SLC25A26: variants seen among roughly 807,000 people sequenced by gnomAD.
SLC25A26 encodes mitochondrial S-adenosylmethionine carrier protein.
Under a neutral mutation model 37.8 loss-of-function variants are expected in SLC25A26, and 36 were observed. The ratio of observed to expected loss-of-function variants is 0.95; its 90% confidence interval spans 0.73 to 1.26. The LOEUF (loss-of-function observed/expected upper bound fraction) is 1.26, where lower values mean the gene tolerates loss of function less well. Among genes scored for constraint, SLC25A26 ranks in the 50% most tolerant of loss-of-function variants. The pLI, the probability that SLC25A26 is intolerant of heterozygous loss-of-function variation, is 0.00. For missense variants in SLC25A26, 390 were observed against 331.1 expected (o/e 1.18, Z -1.38); for synonymous variants, 129 against 122.5 (o/e 1.05, Z -0.35).
intron 1 of SLC25A26, among the ~76,000 whole-genome samples, chr3:66,235,151 C>G (rs1428859657): frequency 6.6e-6 from 1 of 152,164 alleles, no homozygotes; most frequent in Non-Finnish European, 1.5e-5. Context: ...CCTTGTGAAT[C>G]TAGATCTGTA....
intron 1 of SLC25A26, among the ~76,000 whole-genome samples, chr3:66,196,219 A>C: frequency 6.6e-6 from 1 of 152,348 alleles, no homozygotes; most frequent in South Asian, 2.1e-4. Flanking sequence ...TTTGTTCATA[A>C]GAATTTATCT....
chr3:66,208,703 T>C (rs935891406), intron 1 of SLC25A26, among the ~76,000 whole-genome samples: 11 of 142,100 alleles, frequency 7.7e-5, no homozygotes, highest in African/African-American at 2.9e-4. Context: ...TATATATATA[T>C]ACACATTTAT....
intron 6 of SLC25A26, among the ~76,000 whole-genome samples, chr3:66,360,883 C>T (rs1437158069): frequency 6.6e-6 from 1 of 152,038 alleles, no homozygotes; most frequent in Non-Finnish European, 1.5e-5. Flanking sequence ...CAGGTTATTT[C>T]GTAGGAATTG....
intron 9 of SLC25A26, among the ~76,000 whole-genome samples, chr3:66,376,807 C>T (rs559316090): frequency 4.5e-4 from 69 of 152,290 alleles, no homozygotes; most frequent in Admixed American, 6.5e-4. Flanking sequence ...GTCCTATAAT[C>T]CACAGGCAGC....
intron 1 of SLC25A26, among the ~76,000 whole-genome samples, chr3:66,227,241 T>C (rs1327728628): frequency 1.3e-5 from 2 of 152,280 alleles, no homozygotes; most frequent in African/African-American, 4.8e-5. Flanking sequence ...TCTAGTTACT[T>C]ATCTAGATTA....
In SLC25A26 at chr3:66,213,201, A is replaced by G. The variant is rs914130032; in HGVS notation, c.-353-7541A>G. On this transcript the variant is annotated intron_variant, in intron 1 of 10. Transcript: ENST00000676754. ...GATCACCTGAGGTCAGGAGTTCAAGACCAGCTTGGCCAACGTGGTGAAACC... is the reference window on the plus strand; with the variant it reads ...GATCACCTGAGGTCAGGAGTTCAAGGCCAGCTTGGCCAACGTGGTGAAACC... 4.9e-3 allele frequency among the ~76,000 whole-genome samples: 750 copies of G among 152,116 alleles called. 11 individuals are homozygous for G. The highest frequency in any genetic ancestry group is 0.013 in the African/African-American group (548 of 41,492).
chr3:66,352,297 T>G (rs1344307359), intron 6 of SLC25A26, among the ~76,000 whole-genome samples: 1 of 152,144 alleles, frequency 6.6e-6, no homozygotes, highest in Non-Finnish European at 1.5e-5. Context: ...ACCCAGAGCT[T>G]AAGCTCTGGC....
chr3:66,165,809 T>C (rs1399952612), intron 1 of SLC25A26, among the ~76,000 whole-genome samples: 2 of 152,124 alleles, frequency 1.3e-5, no homozygotes, highest in East Asian at 1.9e-4. Flanking sequence ...AAAAAATCCA[T>C]AGTGCCTGGA....
chr3:66,211,686 T>C (rs2071285711), intron 1 of SLC25A26, among the ~76,000 whole-genome samples: 1 of 152,208 alleles, frequency 6.6e-6, no homozygotes, highest in East Asian at 1.9e-4. Flanking sequence ...GAACATTGCA[T>C]ATGTCAGCTT....
chr3:66,355,931 A>C (rs776549782), intron 6 of SLC25A26: 11 of 442,124 alleles, frequency 2.5e-5, no homozygotes, highest in Middle Eastern at 6.4e-4. Context: ...AAATTTTGTC[A>C]TGTGATGTTA....
chr3:66,339,486 T>C (rs936812028), intron 5 of SLC25A26, among the ~76,000 whole-genome samples: 1 of 152,004 alleles, frequency 6.6e-6, no homozygotes, highest in African/African-American at 2.4e-5. Context: ...GCATATCCCT[T>C]GTTCACCAAC....
intron 5 of SLC25A26, among the ~76,000 whole-genome samples, chr3:66,307,404 A>G (rs866509636): frequency 1.1e-4 from 16 of 149,716 alleles, no homozygotes; most frequent in African/African-American, 3.7e-4. Flanking sequence ...CTGGATATTA[A>G]CCCTTTGTCA....
chr3:66,341,917 T>C (rs2076218445), intron 5 of SLC25A26, among the ~76,000 whole-genome samples: 1 of 152,240 alleles, frequency 6.6e-6, no homozygotes, highest in African/African-American at 2.4e-5. Context: ...TTCTTACTTT[T>C]GTTGTTGTTT....
chr3:66,307,796 G>A (rs193009746), intron 5 of SLC25A26, among the ~76,000 whole-genome samples: 1 of 152,170 alleles, frequency 6.6e-6, no homozygotes, highest in South Asian at 2.1e-4. Flanking sequence ...GTTTGTCAAA[G>A]AGCAGATGGT....
intron 5 of SLC25A26, among the ~76,000 whole-genome samples, chr3:66,313,580 T>G (rs971166360): frequency 2.6e-5 from 4 of 152,240 alleles, no homozygotes; most frequent in Non-Finnish European, 5.9e-5. Context: ...TTCTTTTTGC[T>G]TAGGATTGTC....
intron 9 of SLC25A26, among the ~76,000 whole-genome samples, chr3:66,372,235 T>C (rs1403325556): frequency 6.6e-6 from 1 of 152,214 alleles, no homozygotes; most frequent in African/African-American, 2.4e-5. Context: ...GTGTAGTTCA[T>C]GTTTGATTCT....
chr3:66,361,690 A>T (rs1177852377), intron 6 of SLC25A26, among the ~76,000 whole-genome samples: 3 of 152,200 alleles, frequency 2.0e-5, no homozygotes, highest in Non-Finnish European at 4.4e-5. Context: ...CAATGAAGGC[A>T]CGGTGGCTCA....
intron 5 of SLC25A26, among the ~76,000 whole-genome samples, chr3:66,279,926 C>T (rs2074281224): frequency 6.6e-6 from 1 of 152,054 alleles, no homozygotes. Flanking sequence ...ATTTATTATC[C>T]TTCACAGGGT....
chr3:66,308,513 C>T (rs1206598992), intron 5 of SLC25A26, among the ~76,000 whole-genome samples: 1 of 152,202 alleles, frequency 6.6e-6, no homozygotes, highest in Non-Finnish European at 1.5e-5. Flanking sequence ...TGCCTGATTG[C>T]CCTGGCCATA....
Sources: allele counts gnomAD v4.1 joint callset (sites outside exome capture counted in the v4.1 genomes callset), GRCh38; gene constraint gnomAD v4.1.1; transcripts MANE v1.5; gene names NCBI Gene and HGNC (gene_info 2026-07-23, HGNC 2026-07-21).